Variants in PLCB1 observed in about 807,000 individuals in gnomAD.
The protein encoded by PLCB1 is 1-phosphatidylinositol 4,5-bisphosphate phosphodiesterase beta-1.
In PLCB1, 46 loss-of-function variants were observed where a neutral mutation model predicts 161.8. The ratio of observed to expected loss-of-function variants is 0.28; its 90% CI spans 0.22 to 0.36. The LOEUF (loss-of-function observed/expected upper bound fraction) is 0.36, where lower values mean the gene tolerates loss of function less well. PLCB1 is among the 10% of genes least tolerant of loss of function. The pLI is 1.00. For synonymous variants in PLCB1, 517 were observed against 503.7 expected (o/e 1.03, Z -0.35); for missense variants, 1,016 against 1,472.5 (o/e 0.69, Z 5.07).
intron 2 of PLCB1, among the ~76,000 whole-genome samples, chr20:8,238,300 A>G (rs1402486137): frequency 6.6e-6 from 1 of 152,054 alleles, no homozygotes; most frequent in African/African-American, 2.4e-5. Context: ...CCTGAATCAG[A>G]CATGTCAGTG....
intron 2 of PLCB1, among the ~76,000 whole-genome samples, chr20:8,187,722 A>C (rs2051920552): frequency 6.6e-6 from 1 of 152,012 alleles, no homozygotes; most frequent in Non-Finnish European, 1.5e-5. Flanking sequence ...ATGAATGATA[A>C]ATTTTTATGA....
chr20:8,631,144 G>A lies in PLCB1; in HGVS notation c.384+2713G>A, dbSNP rs370097101. Among the ~76,000 whole-genome samples, 19 of 152,270 alleles carry A rather than the reference G, an allele frequency of 1.2e-4. 1 individual carries two copies. In the East Asian group the frequency reaches 1.4e-3, roughly 11 times the overall value. On this transcript the variant is annotated intron_variant, in intron 4 of 31. Transcript: ENST00000338037. ...AGCATCACGTATCACAGTCACACAG[G>A]GAGCCTGTTAAAACACAGATTGTTG...
At chr20:8,524,020 C>T (rs374968280) in intron 3 of PLCB1, among the ~76,000 whole-genome samples, 1 of 152,010 alleles carries the variant, frequency 6.6e-6, no homozygotes, top group South Asian at 2.1e-4. Flanking sequence ...AAGCTTCCAA[C>T]AATCATTTCA....
At chr20:8,496,865 G>A (rs1018444502) in intron 3 of PLCB1, among the ~76,000 whole-genome samples, 20 of 151,946 alleles carry the variant, frequency 1.3e-4, no homozygotes, top group African/African-American at 4.8e-4. Context: ...TAACCTTCAT[G>A]CTCATTTTTA....
intron 19 of PLCB1, among the ~76,000 whole-genome samples, chr20:8,736,120 C>A (rs1271596068): frequency 6.6e-6 from 1 of 152,174 alleles, no homozygotes; most frequent in African/African-American, 2.4e-5. Context: ...TTCTTGTAAC[C>A]ACATAACCCA....
intron 3 of PLCB1, among the ~76,000 whole-genome samples, chr20:8,410,269 G>C (rs981088905): frequency 6.6e-6 from 1 of 152,136 alleles, no homozygotes; most frequent in Non-Finnish European, 1.5e-5. Flanking sequence ...CCTAACACAT[G>C]AGTCTGACAC....
At chr20:8,769,351 C>T (rs1308610561) in intron 26 of PLCB1, among the ~76,000 whole-genome samples, 1 of 151,380 alleles carries the variant, frequency 6.6e-6, no homozygotes, top group Non-Finnish European at 1.5e-5. Flanking sequence ...CTTTCAAAAG[C>T]AAAAGTATCC....
chr20:8,237,927 G>A (rs1980410400), intron 2 of PLCB1, among the ~76,000 whole-genome samples: 1 of 152,078 alleles, frequency 6.6e-6, no homozygotes, highest in Non-Finnish European at 1.5e-5. Flanking sequence ...ATGTCTTGGG[G>A]AAAGATTTAA....
chr20:8,837,177 C>T (rs998531396), intron 31 of PLCB1, among the ~76,000 whole-genome samples: 2 of 152,120 alleles, frequency 1.3e-5, no homozygotes, highest in Non-Finnish European at 2.9e-5. Flanking sequence ...CTAAGGGCCT[C>T]CCTCAAGGCA....
intron 31 of PLCB1, among the ~76,000 whole-genome samples, chr20:8,840,820 A>G (rs142208952): frequency 2.1e-3 from 317 of 151,988 alleles, no homozygotes; most frequent in Middle Eastern, 0.014. Flanking sequence ...CTTTTCTTTT[A>G]TATATATTTA....
At chr20:8,209,995 A>G (rs1235124399) in intron 2 of PLCB1, among the ~76,000 whole-genome samples, 1 of 152,008 alleles carries the variant, frequency 6.6e-6, no homozygotes, top group Non-Finnish European at 1.5e-5. Flanking sequence ...GTGCCACTAC[A>G]CCTGGCTGAT....
rs1213928207 is a variant in PLCB1, at chr20:8,757,193, A to G, written c.2656+15A>G. On this transcript the variant is annotated intron_variant, in intron 24 of 31. Transcript: ENST00000338037. ...GCCAGCTCCAGGTAAGCCATCTGGAAAGAGCTGGACAACATGAGCAAGATC... is the reference window on the plus strand; with the variant it reads ...GCCAGCTCCAGGTAAGCCATCTGGAGAGAGCTGGACAACATGAGCAAGATC... 1.2e-6 allele frequency: 2 copies of G among 1,604,746 alleles called. No individual in the cohort carries two copies. Among genetic ancestry groups the G allele is most frequent in the Non-Finnish European group, 1.7e-6 (2 of 1,176,382 alleles).
At chr20:8,571,245 G>A (rs1986502300) in intron 3 of PLCB1, among the ~76,000 whole-genome samples, 1 of 152,192 alleles carries the variant, frequency 6.6e-6, no homozygotes, top group African/African-American at 2.4e-5. Context: ...ACTTTGGGAG[G>A]CTGGGACAGA....
At chr20:8,600,725 C>T (rs1987544587) in intron 3 of PLCB1, 1 of 151,630 alleles carries the variant, frequency 6.6e-6, no homozygotes, top group African/African-American at 2.4e-5. Flanking sequence ...AGTTTGATCT[C>T]AGACTGCTGT....
intron 3 of PLCB1, among the ~76,000 whole-genome samples, chr20:8,471,696 C>G (rs1982059455): frequency 6.6e-6 from 1 of 152,092 alleles, no homozygotes; most frequent in Admixed American, 6.5e-5. Context: ...TTGGATTTTG[C>G]AGACTCGCCT....
intron 31 of PLCB1, among the ~76,000 whole-genome samples, chr20:8,854,483 T>TGGA (rs1986999062): frequency 6.6e-6 from 1 of 152,148 alleles, no homozygotes; most frequent in East Asian, 1.9e-4. Flanking sequence ...TCTCCTCTTC[T>TGGA]CCCGGGTCCA....
intron 31 of PLCB1, among the ~76,000 whole-genome samples, chr20:8,790,609 A>C (rs778498304): frequency 6.6e-6 from 1 of 152,212 alleles, no homozygotes; most frequent in Non-Finnish European, 1.5e-5. Flanking sequence ...AGTAAACGTC[A>C]GTTCTAAATA....
rs548960304 is a variant in PLCB1 at position 8,168,728 on chromosome 20, A to G, written c.177+18357A>G. 3.8e-4 allele frequency among the ~76,000 whole-genome samples: 56 copies of G among 147,968 alleles called. 1 individual carries two copies. Among genetic ancestry groups the G allele is most frequent in the African/African-American group, 1.3e-3 (53 of 40,462 alleles). On this transcript the variant is annotated intron_variant, in intron 2 of 31. Coordinates refer to ENST00000338037, the MANE Select transcript of PLCB1 (RefSeq NM_015192.4). ...TTTCTTCCTAAATGATTTGGAAGTG[A>G]TTTTTCTGTGCCTGATGTAGTCTTT... is the stretch of plus-strand genomic sequence containing the variant.
chr20:8,155,562 A>G (rs371926393), intron 2 of PLCB1, among the ~76,000 whole-genome samples: 5 of 152,238 alleles, frequency 3.3e-5, no homozygotes, highest in Admixed American at 1.3e-4. Flanking sequence ...ATGCATCATA[A>G]ATGTCAACAA....
Sources: gnomAD v4.1 joint callset for allele counts (sites outside exome capture counted in the v4.1 genomes callset) on GRCh38, gnomAD v4.1.1 for gene constraint, MANE v1.5 for transcripts, NCBI Gene and HGNC (gene_info 2026-07-23, HGNC 2026-07-21) for gene names.